CNOT2: variants seen among roughly 807,000 people sequenced by gnomAD.
CNOT2 encodes CCR4-NOT transcription complex subunit 2.
Under a neutral mutation model 72.1 loss-of-function variants are expected in CNOT2, and 7 were observed. That is an observed-to-expected ratio of 0.10 (90% CI 0.06 to 0.18). CNOT2 has a LOEUF of 0.18. Ranked by LOEUF, CNOT2 falls within the 10% of genes least tolerant of loss-of-function variation. CNOT2 has a pLI of 1.00. For synonymous variants in CNOT2, 196 were observed against 225.6 expected, an observed-to-expected ratio of 0.87 and a Z score of 1.17; for missense variants, 345 against 660.3, an observed-to-expected ratio of 0.52 and a Z score of 5.23.
At chr12:70,312,293 C>T (rs907807563) in intron 3 of CNOT2, among the ~76,000 whole-genome samples, 1 of 151,766 alleles carries the variant, frequency 6.6e-6, no homozygotes, top group African/African-American at 2.4e-5. Context: ...TTGGTAGTAT[C>T]GCCGCAGAAA....
intron 3 of CNOT2, among the ~76,000 whole-genome samples, chr12:70,317,683 G>A (rs1168905663): frequency 1.4e-5 from 2 of 143,862 alleles, no homozygotes; most frequent in Admixed American, 1.4e-4. Flanking sequence ...TCTTTAGAGT[G>A]GTGTATAACT....
intron 2 of CNOT2, among the ~76,000 whole-genome samples, chr12:70,302,841 G>T (rs1331482164): frequency 3.3e-5 from 5 of 152,226 alleles, no homozygotes; most frequent in East Asian, 3.8e-4. Context: ...TTATTATTGT[G>T]TGGGAGTCTA....
chr12:70,324,513 T>A (rs76842831), intron 4 of CNOT2, among the ~76,000 whole-genome samples: 3,719 of 151,854 alleles, frequency 0.024, 160 homozygotes, highest in African/African-American at 0.084. Context: ...AAGAATGATT[T>A]CTAAGGTTTC....
At chr12:70,271,375 CTTTTTTTTTTTTTT>C (rs11285130) in intron 1 of CNOT2, among the ~76,000 whole-genome samples, 1 of 89,480 alleles carries the variant, frequency 1.1e-5, no homozygotes, top group Non-Finnish European at 2.2e-5. Context: ...ATCACATTTC[CTTTTTTTTTTTTTT>C]TTTTTTTTGA....
At chr12:70,252,607 C>G (rs1958196362) in intron 1 of CNOT2, among the ~76,000 whole-genome samples, 1 of 152,124 alleles carries the variant, frequency 6.6e-6, no homozygotes, top group Admixed American at 6.5e-5. Flanking sequence ...TGGAGCTGAT[C>G]TATCTGCTAT....
At chr12:70,294,334 T>A in intron 2 of CNOT2, 1 of 1,272,964 alleles carries the variant, frequency 7.9e-7, no homozygotes, top group Non-Finnish European at 1.0e-6. Context: ...AAAATGGTAC[T>A]GTCATCAGTA....
At chr12:70,296,151 A>C (rs556485714) in intron 2 of CNOT2, among the ~76,000 whole-genome samples, 1 of 151,858 alleles carries the variant, frequency 6.6e-6, no homozygotes, top group Non-Finnish European at 1.5e-5. Flanking sequence ...ACCAACACAC[A>C]CACACATACC....
intron 3 of CNOT2, 130 bp from the exon 4 acceptor site, chr12:70,319,168 T>C (rs1877872626): frequency 1.5e-6 from 1 of 683,432 alleles, no homozygotes; most frequent in South Asian, 2.7e-5. Context: ...AATGTTTGTT[T>C]TATGTTTTTC....
chr12:70,335,659 T>TACAC, intron 8 of CNOT2, 96 bp downstream of exon 8: 2 of 851,750 alleles, frequency 2.3e-6, no homozygotes, highest in Non-Finnish European at 3.7e-6. Context: ...CTTGTGTGTG[T>TACAC]ACACATGTAT....
At chr12:70,309,254 T>G (rs1876031035) in intron 2 of CNOT2, among the ~76,000 whole-genome samples, 1 of 152,158 alleles carries the variant, frequency 6.6e-6, no homozygotes, top group Non-Finnish European at 1.5e-5. Context: ...TTCTAATAAA[T>G]TGTTAGACCC....
At chr12:70,312,404 A>G (rs1876622033) in intron 3 of CNOT2, among the ~76,000 whole-genome samples, 1 of 151,898 alleles carries the variant, frequency 6.6e-6, no homozygotes, top group Non-Finnish European at 1.5e-5. Context: ...AAATGCATTT[A>G]TTCTAATTAG....
intron 1 of CNOT2, among the ~76,000 whole-genome samples, chr12:70,267,696 A>G (rs1959118905): frequency 6.6e-6 from 1 of 152,220 alleles, no homozygotes; most frequent in South Asian, 2.1e-4. Flanking sequence ...ACATTTGTAT[A>G]CTTCAGATAC....
chr12:70,352,282 C>G (rs962134512), intron 15 of CNOT2, among the ~76,000 whole-genome samples: 1 of 152,026 alleles, frequency 6.6e-6, no homozygotes, highest in African/African-American at 2.4e-5. Flanking sequence ...ACTTGTAAGC[C>G]TCATTTTCTT....
At chr12:70,337,065 T>G (rs1469928583) in intron 8 of CNOT2, 2 of 178,452 alleles carry the variant, frequency 1.1e-5, no homozygotes, top group Non-Finnish European at 2.4e-5. Context: ...TTATAATATC[T>G]AGTCAAATAT....
intron 4 of CNOT2, among the ~76,000 whole-genome samples, chr12:70,320,308 G>A (rs1878078718): frequency 1.3e-5 from 2 of 151,660 alleles, no homozygotes; most frequent in Admixed American, 1.3e-4. Flanking sequence ...AGTTTTGACA[G>A]GTATCAGAAT....
At chr12:70,304,316 TC>T (rs1281113912) in intron 2 of CNOT2, among the ~76,000 whole-genome samples, 2 of 151,462 alleles carry the variant, frequency 1.3e-5, no homozygotes, top group Non-Finnish European at 3.0e-5. Flanking sequence ...CTCTGTTTTT[TC>T]CCCATCTTTG....
intron 7 of CNOT2, among the ~76,000 whole-genome samples, chr12:70,333,537 T>C (rs1880257972): frequency 1.3e-5 from 2 of 151,940 alleles, no homozygotes; most frequent in Admixed American, 1.3e-4. Context: ...AAGGATGTTA[T>C]GATCATAGGA....
intron 3 of CNOT2, among the ~76,000 whole-genome samples, chr12:70,317,886 A>T (rs1305551865): frequency 6.6e-6 from 1 of 151,962 alleles, no homozygotes; most frequent in Non-Finnish European, 1.5e-5. Context: ...AATAGAAAAA[A>T]AAACAAACAA....
At chr12:70,277,864 T>C (rs929539275) in intron 1 of CNOT2, among the ~76,000 whole-genome samples, 2 of 152,320 alleles carry the variant, frequency 1.3e-5, no homozygotes, top group African/African-American at 2.4e-5. Context: ...TTTTATTCAC[T>C]GTAAATTTCT....
Sources: gnomAD v4.1 joint callset for allele counts (sites outside exome capture counted in the v4.1 genomes callset) on GRCh38, gnomAD v4.1.1 for gene constraint, MANE v1.5 for transcripts, NCBI Gene and HGNC (gene_info 2026-07-23, HGNC 2026-07-21) for gene names.